Variants in SLC11A2 observed in about 807,000 individuals in gnomAD.
SLC11A2 encodes the protein natural resistance-associated macrophage protein 2.
Under a neutral mutation model 68.0 loss-of-function variants are expected in SLC11A2, and 38 were observed. That is an observed-to-expected ratio of 0.56 (90% CI 0.43 to 0.73). SLC11A2 has a LOEUF of 0.73. SLC11A2 is among the 30% of genes least tolerant of loss of function. The pLI is 0.00. For missense variants in SLC11A2, 517 were observed against 690.5 expected, an observed-to-expected ratio of 0.75 and a Z score of 2.82; for synonymous variants, 242 against 250.6, an observed-to-expected ratio of 0.97 and a Z score of 0.32.
At position 50,995,797 on chromosome 12, in the gene SLC11A2, TAAC is replaced by T; in HGVS notation, c.832-13_832-11del. 2 of 1,613,704 alleles carry T rather than the reference TAAC, an allele frequency of 1.2e-6. No homozygotes were observed. The highest frequency in any genetic ancestry group is 8.5e-7 in the Non-Finnish European group (1 of 1,179,578). On this transcript the variant is annotated splice_polypyrimidine_tract_variant and intron_variant, in intron 9 of 15. Coordinates refer to ENST00000262052, the MANE Select transcript of SLC11A2 (RefSeq NM_000617.3). ...GGTTTACCTGTCTAGACTAGAAAGA[TAAC>T]AACAGCAGTCACTTTTTGACCAGTT... is the stretch of plus-strand genomic sequence containing the variant.
At chr12:50,953,791 TTTTC>T in the SLC11A2 span, 1 of 508,136 alleles carries the variant, frequency 2.0e-6, no homozygotes, top group Non-Finnish European at 3.5e-6. Context: ...CTATGTATTT[TTTTC>T]TTATCCCCTT....
In SLC11A2 at chr12:50,997,452, A is replaced by G. The variant is rs1007395983; in HGVS notation, c.676-480T>C. 1.3e-4 allele frequency among the ~76,000 whole-genome samples: 20 copies of G among 152,204 alleles called. 1 individual carries two copies. The highest frequency in any genetic ancestry group is 6.5e-4 in the Admixed American group (10 of 15,278). On this transcript the variant is annotated intron_variant, in intron 8 of 15. Coordinates refer to ENST00000262052, the MANE Select transcript of SLC11A2 (RefSeq NM_000617.3). ...TGCGGTGGCTCACGCCTATAATCCC[A>G]GCACTTTAGGAGACCAAGGCAGGCG...
the SLC11A2 span, among the ~76,000 whole-genome samples, chr12:50,953,334 G>T: frequency 6.6e-6 from 1 of 152,174 alleles, no homozygotes; most frequent in Non-Finnish European, 1.5e-5. Context: ...TTGAATTCTG[G>T]GGTGAACACA....
rs1316894445 is a variant in SLC11A2, at chr12:50,987,988, T to A, written c.*337A>T. The A allele has an allele frequency of 1.5e-6, 2 of 1,310,220 alleles. No individual in the cohort carries two copies. The highest frequency in any genetic ancestry group is 1.2e-5 in the South Asian group (1 of 80,832). The allele number at this position is 1,310,220 out of a possible 1,614,324, so 81.2% of individuals were successfully genotyped here. A position where few individuals can be genotyped will look rare whatever the true frequency, so the allele number is the denominator to read the frequency against. ...TGTATTGCATTTTCCAATTTTTTTTTAACATATAGCCTGGTTAAGAATCAT... is the reference window on the plus strand; with the variant it reads ...TGTATTGCATTTTCCAATTTTTTTTAAACATATAGCCTGGTTAAGAATCAT... On this transcript the variant is annotated 3_prime_UTR_variant, in exon 16 of 16. Transcript: ENST00000262052.
At chr12:50,990,410 G>C (rs909863813) in intron 15 of SLC11A2, among the ~76,000 whole-genome samples, 2 of 152,170 alleles carry the variant, frequency 1.3e-5, no homozygotes, top group African/African-American at 4.8e-5. Flanking sequence ...GAATTACTAA[G>C]AATGGAAACT....
Position 50,986,554 on chromosome 12 carries a change from A to G in SLC11A2, c.*1771T>C. 3 of 1,287,004 alleles carry G rather than the reference A, an allele frequency of 2.3e-6. No individual in the cohort carries two copies. Among genetic ancestry groups the G allele is most frequent in the Non-Finnish European group, 2.0e-6 (2 of 988,638 alleles). 79.7% of individuals were successfully genotyped at this position (1,287,004 alleles called of 1,614,324 possible). On this transcript the variant is annotated 3_prime_UTR_variant, in exon 16 of 16. Coordinates refer to ENST00000262052, the MANE Select transcript of SLC11A2 (RefSeq NM_000617.3). ...ACCCAGGGCAAAGATACATGTTACC[A>G]TATCATCTTTATAAAGAATTTTTTT...
the SLC11A2 span, among the ~76,000 whole-genome samples, chr12:50,972,597 A>C: frequency 6.6e-6 from 1 of 152,198 alleles, no homozygotes; most frequent in Non-Finnish European, 1.5e-5. Context: ...CTCCATTTCC[A>C]ACTGAGGTAC....
chr12:50,954,070 A>G, the SLC11A2 span: 1 of 1,611,182 alleles, frequency 6.2e-7, no homozygotes, highest in Non-Finnish European at 8.5e-7. Context: ...GGAAATCTAG[A>G]GACTCCCCCT....
chr12:50,977,145 C>T (rs533072892), downstream of SLC11A2, among the ~76,000 whole-genome samples: 4 of 152,304 alleles, frequency 2.6e-5, no homozygotes, highest in East Asian at 7.7e-4. Context: ...GGAAAAACTA[C>T]TTTAAAGTTC....
intron 15 of SLC11A2, among the ~76,000 whole-genome samples, chr12:50,989,761 T>C (rs1444454723): frequency 6.6e-6 from 1 of 152,198 alleles, no homozygotes; most frequent in Non-Finnish European, 1.5e-5. Flanking sequence ...TTTTTCAACA[T>C]TTACTGAAGT....
chr12:50,988,492 C>A, intron 15 of SLC11A2, 57 bp from the exon 16 acceptor site: 1 of 1,610,710 alleles, frequency 6.2e-7, no homozygotes, highest in South Asian at 1.1e-5. Context: ...CATGACTGCT[C>A]ACACAGCACT....
chr12:50,989,101 A>T (rs958433996), intron 15 of SLC11A2, among the ~76,000 whole-genome samples: 6 of 152,156 alleles, frequency 3.9e-5, no homozygotes, highest in African/African-American at 1.4e-4. Context: ...TAACAGACTA[A>T]TACAATTGGT....
chr12:51,000,501 G>A (rs930311331), intron 5 of SLC11A2, 82 bp from the exon 6 acceptor site: 1 of 1,062,638 alleles, frequency 9.4e-7, no homozygotes, highest in Non-Finnish European at 1.4e-6. Flanking sequence ...TCACATTTTG[G>A]CACTAAACCA....
chr12:50,959,821 T>C, the SLC11A2 span, among the ~76,000 whole-genome samples: 1 of 152,022 alleles, frequency 6.6e-6, no homozygotes, highest in Non-Finnish European at 1.5e-5. Flanking sequence ...CTAATTTTTT[T>C]GTATTTTTAG....
the SLC11A2 span, among the ~76,000 whole-genome samples, chr12:50,971,189 T>C: frequency 2.4e-3 from 372 of 152,182 alleles, no homozygotes; most frequent in Non-Finnish European, 3.3e-3. Context: ...CACAGACTTT[T>C]TATATCCATG....
chr12:50,971,995 T>C, the SLC11A2 span, among the ~76,000 whole-genome samples: 1 of 152,236 alleles, frequency 6.6e-6, no homozygotes, highest in Non-Finnish European at 1.5e-5. Context: ...CAAGTACATA[T>C]TTTGGTCAAC....
chr12:50,985,006 G>T (rs1001238121), downstream of SLC11A2, among the ~76,000 whole-genome samples: 19 of 152,292 alleles, frequency 1.2e-4, no homozygotes, highest in African/African-American at 4.6e-4. Flanking sequence ...TAATGTAAAT[G>T]TGGGCAAGTT....
the SLC11A2 span, chr12:50,953,874 T>C: frequency 1.9e-5 from 11 of 593,480 alleles, no homozygotes; most frequent in Admixed American, 6.0e-5. Flanking sequence ...GTTGAGCAGA[T>C]AGGCTTATCA....
Position 51,019,366 on chromosome 12 carries a change from A to G in SLC11A2, c.-39+6944T>C, listed in dbSNP as rs1277182806. ...CAAGGCCAAAGTACTTGACAGTTCT[A>G]CTAAACCATTACTGTATTATTAACA... On this transcript the variant is annotated intron_variant, in intron 1 of 15. Transcript: ENST00000262052. Among the ~76,000 whole-genome samples the G allele has an allele frequency of 2.0e-5, 3 of 152,234 alleles. No homozygotes were observed. The East Asian group carries it at 5.8e-4, about 29-fold the overall frequency.
Sources: gnomAD v4.1 joint callset for allele counts (sites outside exome capture counted in the v4.1 genomes callset) on GRCh38, gnomAD v4.1.1 for gene constraint, MANE v1.5 for transcripts, NCBI Gene and HGNC (gene_info 2026-07-23, HGNC 2026-07-21) for gene names.